F8: variants seen among roughly 807,000 people sequenced by gnomAD.
F8 encodes the protein antihemophilic factor.
In F8, 12 loss-of-function variants were observed where a neutral mutation model predicts 140.6. That is an observed-to-expected ratio of 0.09 (90% confidence interval 0.05 to 0.14). The LOEUF (loss-of-function observed/expected upper bound fraction) is 0.14, where lower values mean the gene tolerates loss of function less well. Ranked by LOEUF, F8 falls within the 10% of genes least tolerant of loss-of-function variation. The pLI is 1.00. For synonymous variants in F8, 585 were observed against 614.6 expected (o/e 0.95, Z 0.71); for missense variants, 1,354 against 1,720.7 (o/e 0.79, Z 3.77).
rs781785429 is a variant in F8 at position 154,993,018 on chromosome X, A to T, written c.519T>A (p.Leu173=). The T allele has an allele frequency of 7.4e-6, 9 of 1,210,381 alleles. No individual in the cohort carries two copies. The highest frequency in any genetic ancestry group is 1.0e-5 in the Non-Finnish European group (9 of 895,267). Residue 173 remains leucine (L), a synonymous_variant, in exon 4 of 26, where the codon CTT becomes CTA. Coordinates refer to ENST00000360256, the MANE Select transcript of F8 (RefSeq NM_000132.4). ...NGPMASDPLC[L]TYSYLSHVDL... is the part of the protein sequence containing the mutation. ...CCACATGAGAAAGATATGAGTAGGT[A>T]AGGCACAGTGGGTCAGAGGCCATTG...
At chrX:154,852,570 A>G (rs2072624178) in intron 25 of F8, among the ~76,000 whole-genome samples, 1 of 111,532 alleles carries the variant, frequency 9.0e-6, no homozygotes, top group South Asian at 3.7e-4. Flanking sequence ...CTATGTGTCT[A>G]TATTTATGTA....
intron 23 of F8, among the ~76,000 whole-genome samples, chrX:154,862,727 T>C (rs782123928): frequency 1.8e-5 from 2 of 112,467 alleles, no homozygotes; most frequent in East Asian, 5.5e-4. Flanking sequence ...CATTCTTTTT[T>C]ATGGCTGCAT....
intron 5 of F8, among the ~76,000 whole-genome samples, chrX:154,986,440 C>T (rs781964277): frequency 3.6e-5 from 4 of 110,497 alleles, no homozygotes; most frequent in Non-Finnish European, 7.6e-5. Context: ...CAGGTACCCG[C>T]CACCATGACC....
At chrX:155,003,740 C>T (rs950161793) in intron 1 of F8, among the ~76,000 whole-genome samples, 5 of 110,521 alleles carry the variant, frequency 4.5e-5, no homozygotes, top group African/African-American at 6.6e-5. Flanking sequence ...GGGCAGATCA[C>T]GAGGTCAGGA....
intron 6 of F8, among the ~76,000 whole-genome samples, chrX:154,973,099 T>A (rs993655023): frequency 8.9e-6 from 1 of 112,129 alleles, no homozygotes. Flanking sequence ...CACCATTTAT[T>A]GAAAAGACTG....
intron 19 of F8, 86 bp downstream of exon 19, chrX:154,901,965 G>T: frequency 1.6e-6 from 1 of 622,118 alleles, no homozygotes. Context: ...TTTATTTCCT[G>T]ACACAAGCAA....
chrX:154,993,135 A>G lies in F8; in HGVS notation c.402T>C (p.Asp134=), dbSNP rs782583222. ...CTTTCTCCCTTTGACTGGTCTGATC[A>G]TCATATTCAGCTCCTATAGCAGGAA... ...YWKASEGAEY[D]DQTSQREKED... The change falls in exon 4 of 26, where the codon GAT becomes GAC. Residue 134 remains aspartate (D), a synonymous_variant. Coordinates refer to ENST00000360256, the MANE Select transcript of F8 (RefSeq NM_000132.4). The G allele has an allele frequency of 2.5e-6, 3 of 1,209,868 alleles. No homozygotes were observed. The highest frequency in any genetic ancestry group is 3.4e-6 in the Non-Finnish European group (3 of 893,741).
At chrX:154,946,902 G>A (rs955477503) in intron 13 of F8, among the ~76,000 whole-genome samples, 9 of 111,502 alleles carry the variant, frequency 8.1e-5, no homozygotes, top group Non-Finnish European at 1.5e-4. Context: ...TATTAAAAAT[G>A]GACAAAGATC....
chrX:154,863,043 T>C (rs1229572185), intron 23 of F8, 40 bp downstream of exon 23: 1 of 1,185,727 alleles, frequency 8.4e-7, no homozygotes, highest in Non-Finnish European at 1.1e-6. Flanking sequence ...ACCCTACCCA[T>C]GGTTGAGGGA....
chrX:154,947,655 A>G (rs781948601), intron 13 of F8, 43 bp downstream of exon 13: 1 of 1,026,928 alleles, frequency 9.7e-7, no homozygotes, highest in East Asian at 3.0e-5. Context: ...ATGGCTAGTG[A>G]AGCATTCACA....
chrX:154,858,606 A>G (rs781882104), intron 25 of F8, among the ~76,000 whole-genome samples: 2 of 112,346 alleles, frequency 1.8e-5, no homozygotes, highest in South Asian at 7.4e-4. Context: ...CAATCCATGC[A>G]GGACTACTAG....
chrX:154,868,996 TA>T (rs782012678), intron 22 of F8, among the ~76,000 whole-genome samples: 8 of 111,677 alleles, frequency 7.2e-5, no homozygotes, highest in Admixed American at 2.8e-4. Context: ...CAAGAAGAGC[TA>T]ACTATCCTAA....
At chrX:154,892,349 A>G (rs1255745146) in intron 22 of F8, among the ~76,000 whole-genome samples, 2 of 112,453 alleles carry the variant, frequency 1.8e-5, no homozygotes, top group Non-Finnish European at 3.8e-5. Context: ...CTGTAAGAAG[A>G]CAGACCACTC....
chrX:154,929,145 C>G lies in F8; in HGVS notation c.4645G>C (p.Glu1549Gln). ...GCTTCATTCCACTTAATCGCTCCCTCTGTTCCCTGAAGAAGGCTCCCTTCC... is the reference window on the plus strand; with the variant it reads ...GCTTCATTCCACTTAATCGCTCCCTGTGTTCCCTGAAGAAGGCTCCCTTCC... ...LVEGSLLQGT[E>Q]GAIKWNEANR... The change falls in exon 14 of 26, where the codon GAG becomes CAG. Residue 1549 changes from glutamate (E) to glutamine (Q), a missense_variant. This residue lies in a region of F8 where 658 missense variants were observed against 666.5 expected (regional missense o/e 0.99). Transcript: ENST00000360256. 1.7e-6 allele frequency: 2 copies of G among 1,211,919 alleles called. No individual in the cohort carries two copies. The highest frequency in any genetic ancestry group is 2.2e-6 in the Non-Finnish European group (2 of 895,575).
At chrX:154,991,480 T>C (rs1410752966) in intron 4 of F8, among the ~76,000 whole-genome samples, 1 of 112,638 alleles carries the variant, frequency 8.9e-6, no homozygotes, top group Non-Finnish European at 1.9e-5. Context: ...CAAGGTTTTA[T>C]AGTTAAGTTC....
intron 1 of F8, among the ~76,000 whole-genome samples, chrX:155,012,928 T>C (rs1462628725): frequency 1.2e-4 from 13 of 109,270 alleles, no homozygotes; most frequent in South Asian, 7.7e-4. Flanking sequence ...GGGCGGATCA[T>C]GAGGTCAGGA....
At position 154,907,803 on chromosome X, in the gene F8, G is replaced by A. The variant is rs140947098; in HGVS notation, c.5220-1230C>T. On this transcript the variant is annotated intron_variant, in intron 14 of 25. Transcript: ENST00000360256. The stretch of plus-strand genomic sequence containing the variant: ...ATGCTTTTTTATATATTCCTTGATT[G>A]CTGGAGAAGAAGGACACAGAGAAGC... Among the ~76,000 whole-genome samples the A allele has an allele frequency of 1.0e-3, 111 of 110,998 alleles. 3 individuals are homozygous for A. The highest frequency in any genetic ancestry group is 9.5e-4 in the Non-Finnish European group (50 of 52,857).
intron 5 of F8, 141 bp from the exon 6 acceptor site, chrX:154,984,944 C>T (rs2073551146): frequency 3.7e-6 from 2 of 536,957 alleles, no homozygotes; most frequent in Admixed American, 2.3e-5. Context: ...CACTTATCCT[C>T]TCAAAGTCAG....
intron 25 of F8, among the ~76,000 whole-genome samples, chrX:154,839,501 T>G (rs1482679779): frequency 9.1e-6 from 1 of 109,466 alleles, no homozygotes; most frequent in Non-Finnish European, 1.9e-5. Context: ...TAGCTGGGAC[T>G]ACAGGTGCCC....
Sources: gnomAD v4.1 joint callset for allele counts (sites outside exome capture counted in the v4.1 genomes callset) on GRCh38, gnomAD v4.1.1 for gene constraint, gnomAD v4.1.1 regional missense constraint, MANE v1.5 for transcripts, NCBI Gene and HGNC (gene_info 2026-07-23, HGNC 2026-07-21) for gene names.